Variants in HAUS6 observed in about 807,000 individuals in gnomAD.
HAUS6 encodes the protein HAUS augmin like complex subunit 6, also known as HAUS augmin-like complex subunit 6.
Under a neutral mutation model 106.8 loss-of-function variants are expected in HAUS6, and 80 were observed. The observed-to-expected ratio is 0.75, with a 90% CI of 0.63 to 0.90. The LOEUF is 0.90. Among genes scored for constraint, HAUS6 ranks in the 40% least tolerant of loss-of-function variants. HAUS6 has a pLI of 0.00. For synonymous variants in HAUS6, 356 were observed against 379.1 expected (o/e 0.94, Z 0.71); for missense variants, 1,155 against 1,118.1 (o/e 1.03, Z -0.47).
chr9:19,057,765 C>T (rs1836505149), intron 16 of HAUS6, 196 bp downstream of exon 16: 1 of 419,168 alleles, frequency 2.4e-6, no homozygotes, highest in African/African-American at 2.0e-5. Flanking sequence ...TGTCTCAAAT[C>T]AATTGTAACT....
Position 19,054,638 on chromosome 9 carries a change from G to A in HAUS6, c.*1705C>T, listed in dbSNP as rs1209582047. 1 of 152,284 alleles carries A rather than the reference G, an allele frequency of 6.6e-6. No individual in the cohort carries two copies. Among genetic ancestry groups the A allele is most frequent in the East Asian group, 1.9e-4 (1 of 5,184 alleles). The allele number at this position is 152,284 out of a possible 1,614,324, so 9.4% of individuals were successfully genotyped here. A position where few individuals can be genotyped will look rare whatever the true frequency, so the allele number is the denominator to read the frequency against. ...TCTCAGACTTGGGTGGCCAACTTGA[G>A]CTTCCCTATCAGATAGTTACCAATC... On this transcript the variant is annotated 3_prime_UTR_variant, in exon 17 of 17. Transcript: ENST00000380502.
At chr9:19,095,396 G>A (rs746850286) in intron 2 of HAUS6, among the ~76,000 whole-genome samples, 4 of 151,452 alleles carry the variant, frequency 2.6e-5, no homozygotes, top group African/African-American at 4.9e-5. Context: ...AGACTAAAAG[G>A]CTAGAATGTC....
chr9:19,063,787 A>G (rs756767213), intron 12 of HAUS6: 31 of 727,220 alleles, frequency 4.3e-5, no homozygotes, highest in South Asian at 3.0e-4. Context: ...CAGCCTCCCA[A>G]TTATGAAGAC....
chr9:19,064,182 G>A (rs1353905748), intron 12 of HAUS6, among the ~76,000 whole-genome samples: 3 of 152,072 alleles, frequency 2.0e-5, no homozygotes, highest in Non-Finnish European at 4.4e-5. Context: ...AGTCAGGCTG[G>A]TCTCAAACTC....
At chr9:19,068,895 A>G (rs1351225161) in intron 12 of HAUS6, among the ~76,000 whole-genome samples, 2 of 152,194 alleles carry the variant, frequency 1.3e-5, no homozygotes, top group Admixed American at 1.3e-4. Flanking sequence ...AAGGCAATAA[A>G]GAAAATAGGA....
intron 12 of HAUS6, among the ~76,000 whole-genome samples, chr9:19,068,351 C>T (rs1005167950): frequency 4.0e-5 from 6 of 151,190 alleles, no homozygotes; most frequent in Non-Finnish European, 5.9e-5. Context: ...CACAACTAGT[C>T]CTGACTGCCT....
At chr9:19,077,614 T>G (rs1322456650) in intron 10 of HAUS6, among the ~76,000 whole-genome samples, 1 of 152,138 alleles carries the variant, frequency 6.6e-6, no homozygotes, top group Non-Finnish European at 1.5e-5. Context: ...AACAGCAACT[T>G]ATGGATATTA....
rs780715246 is a variant in HAUS6 at position 19,094,390 on chromosome 9, C to T, written c.230G>A (p.Cys77Tyr). ...ACTTTTTTGGTCAAATGGGGGCCAA[C>T]AAAATCTGGAAAACAAAAATAAAAG... ...QSLTKEVFKFCWPPFDQKSDT... is the reference protein window; with the variant it reads ...QSLTKEVFKFYWPPFDQKSDT... The change falls in exon 3 of 17, where the codon TGT becomes TAT. Residue 77 changes from cysteine to tyrosine, a missense_variant. Physicochemically the swap from Cys to Tyr is radical, Grantham distance 194. Coordinates refer to ENST00000380502, the MANE Select transcript of HAUS6 (RefSeq NM_017645.5). The T allele has an allele frequency of 6.3e-7, 1 of 1,587,770 alleles. No homozygotes were observed.
intron 11 of HAUS6, among the ~76,000 whole-genome samples, chr9:19,073,572 GC>G (rs1203176197): frequency 3.3e-5 from 5 of 149,948 alleles, no homozygotes; most frequent in Middle Eastern, 3.2e-3. Flanking sequence ...TGGCAAGAGT[GC>G]AAAAGCCCTT....
At chr9:19,095,978 G>T (rs1175116610) in intron 2 of HAUS6, among the ~76,000 whole-genome samples, 2 of 152,042 alleles carry the variant, frequency 1.3e-5, no homozygotes, top group Non-Finnish European at 2.9e-5. Flanking sequence ...CTGCCTATAG[G>T]AAAAGTAGTA....
rs1308026614 is a variant in HAUS6, at chr9:19,058,406, T to C, written c.2361A>G (p.Leu787=). ...CTGAACTACTGGAACTATTAAAACTTAGATGACCAACTTCTTCCGGGAGAG... is the reference window on the plus strand; with the variant it reads ...CTGAACTACTGGAACTATTAAAACTCAGATGACCAACTTCTTCCGGGAGAG... ...HETLPEEVGH[L]SFNSSSSSEA... is the part of the protein sequence containing the mutation. The change falls in exon 16 of 17, where the codon CTA becomes CTG. Residue 787 remains leucine (L), a synonymous_variant. Transcript: ENST00000380502. 1.2e-6 allele frequency: 2 copies of C among 1,613,602 alleles called. No individual in the cohort carries two copies. The highest frequency in any genetic ancestry group is 1.7e-5 in the Admixed American group (1 of 59,980).
intron 3 of HAUS6, 125 bp from the exon 4 acceptor site, chr9:19,093,428 C>T: frequency 1.2e-6 from 1 of 858,394 alleles, no homozygotes; most frequent in Non-Finnish European, 1.9e-6. Flanking sequence ...TTCATAAGTA[C>T]TATGCTATAG....
chr9:19,075,874 T>C (rs997148630), intron 11 of HAUS6, among the ~76,000 whole-genome samples: 2 of 151,890 alleles, frequency 1.3e-5, no homozygotes, highest in African/African-American at 4.8e-5. Flanking sequence ...AGATGGTTAA[T>C]TGCTTGAACC....
intron 11 of HAUS6, among the ~76,000 whole-genome samples, chr9:19,075,086 C>T (rs1005614387): frequency 1.3e-5 from 2 of 152,212 alleles, no homozygotes; most frequent in Non-Finnish European, 1.5e-5. Context: ...ATACATGCCA[C>T]AACTTAGATG....
rs1817870937 is a variant in HAUS6, at chr9:19,096,638, A to G, written c.224+36T>C. On this transcript the variant is annotated intron_variant, in intron 2 of 16. Transcript: ENST00000380502. ...AAACGCTGTCCATTTTCAAATTTGG[A>G]AAGAAATTTAAGAAAATGAAATTAT... The G allele has an allele frequency of 3.3e-6, 3 of 921,140 alleles. No homozygotes were observed. The East Asian group carries it at 7.7e-5, about 24-fold the overall frequency. The allele number at this position is 921,140 out of a possible 1,614,324, so 57.1% of individuals were successfully genotyped here.
rs570350871 is a variant in HAUS6, at chr9:19,077,505, A to G, written c.1191+671T>C. 2.6e-3 allele frequency among the ~76,000 whole-genome samples: 394 copies of G among 152,308 alleles called. 6 individuals are homozygous for G. In the South Asian group the frequency reaches 0.032, roughly 12 times the overall value. On this transcript the variant is annotated intron_variant, in intron 10 of 16. Coordinates refer to ENST00000380502, the MANE Select transcript of HAUS6 (RefSeq NM_017645.5). ...AGCTGAGATCGTGCCACTGCACTCCAGCCTGGGCAATAGAGCAAGACTCTG... is the reference window on the plus strand; with the variant it reads ...AGCTGAGATCGTGCCACTGCACTCCGGCCTGGGCAATAGAGCAAGACTCTG...
At chr9:19,101,223 G>A (rs566210668) in intron 1 of HAUS6, among the ~76,000 whole-genome samples, 54 of 152,236 alleles carry the variant, frequency 3.5e-4, no homozygotes, top group African/African-American at 1.3e-3. Flanking sequence ...GTACAACTAT[G>A]AACATAAATA....
In HAUS6 at chr9:19,078,217, G is replaced by A. The variant is rs764337285; in HGVS notation, c.1150C>T (p.Leu384Phe). 2 of 1,601,022 alleles carry A rather than the reference G, an allele frequency of 1.2e-6. No homozygotes were observed. The highest frequency in any genetic ancestry group is 1.3e-5 in the African/African-American group (1 of 74,612). ...ATTAGACTGAAAGGAGACAAACCAAGAAATTCTTTCCACTTTTTATGCCAT... is the reference window on the plus strand; with the variant it reads ...ATTAGACTGAAAGGAGACAAACCAAAAAATTCTTTCCACTTTTTATGCCAT... ...GEWHKKWKEF[L>F]GLSPFSLIKG... The change falls in exon 10 of 17, where the codon CTT (leucine) becomes TTT (phenylalanine). Residue 384 changes from leucine to phenylalanine, a missense_variant. Leu to Phe is a conservative substitution (Grantham distance 22). This residue lies in a region of HAUS6 where 761 missense variants were observed against 690.0 expected (regional missense o/e 1.10). Coordinates refer to ENST00000380502, the MANE Select transcript of HAUS6 (RefSeq NM_017645.5).
Position 19,090,490 on chromosome 9 carries a change from A to G in HAUS6, c.437-931T>C, listed in dbSNP as rs151266918. On this transcript the variant is annotated intron_variant, in intron 4 of 16. Transcript: ENST00000380502. ...CGCCATTCTCCTGCCTCAGCCTCCC[A>G]AGTAGCTGGGACTACAGGTGCCCGC... Among the ~76,000 whole-genome samples, 629 of 151,976 alleles carry G rather than the reference A, an allele frequency of 4.1e-3. 3 individuals carry two copies. Among genetic ancestry groups the G allele is most frequent in the African/African-American group, 0.015 (604 of 41,468 alleles).
Sources: allele counts gnomAD v4.1 joint callset (sites outside exome capture counted in the v4.1 genomes callset), GRCh38; gene constraint gnomAD v4.1.1; regional missense constraint gnomAD v4.1.1; transcripts MANE v1.5; gene names NCBI Gene and HGNC (gene_info 2026-07-23, HGNC 2026-07-21).